The following DNAJC10 variants were observed in gnomAD, a reference collection of about 807,000 sequenced individuals.
DNAJC10 encodes the protein DnaJ heat shock protein family (Hsp40) member C10.
In DNAJC10, 101 loss-of-function variants were observed where a neutral mutation model predicts 115.0. The ratio of observed to expected loss-of-function variants is 0.88; its 90% confidence interval spans 0.75 to 1.04. The LOEUF (loss-of-function observed/expected upper bound fraction) is 1.04, where lower values mean the gene tolerates loss of function less well. Among genes scored for constraint, DNAJC10 ranks in the 50% least tolerant of loss-of-function variants. The pLI, the probability that DNAJC10 is intolerant of heterozygous loss-of-function variation, is 0.00. For synonymous variants in DNAJC10, 307 were observed against 301.5 expected, an observed-to-expected ratio of 1.02 and a Z score of -0.19; for missense variants, 981 against 928.8, an observed-to-expected ratio of 1.06 and a Z score of -0.73.
chr2:182,774,240 C>T (rs1357667574), intron 22 of DNAJC10, among the ~76,000 whole-genome samples: 1 of 152,148 alleles, frequency 6.6e-6, no homozygotes, highest in Admixed American at 6.5e-5. Context: ...GAAGGGCAGC[C>T]GCCTATATGA....
rs1187577790 is a variant in DNAJC10 at position 182,791,648 on chromosome 2, C to T, written c.*14516C>T. The T allele has an allele frequency of 6.6e-6, 1 of 152,128 alleles. No individual in the cohort carries two copies. The highest frequency in any genetic ancestry group is 2.4e-5 in the African/African-American group (1 of 41,448). The allele number at this position is 152,128 out of a possible 1,614,324, so 9.4% of individuals were successfully genotyped here. ...TGAAACCTGGCTCCAACAATGACTA[C>T]TTTATTCTACCTCTCATTTATTTTC... On this transcript the variant is annotated 3_prime_UTR_variant, in exon 24 of 24. Transcript: ENST00000264065.
At chr2:182,757,590 TAAATA>T in intron 18 of DNAJC10, 97 bp from the exon 19 acceptor site, 2 of 764,476 alleles carry the variant, frequency 2.6e-6, no homozygotes, top group Non-Finnish European at 3.7e-6. Context: ...AAGTCACTGA[TAAATA>T]ATATAATAAC....
intron 8 of DNAJC10, among the ~76,000 whole-genome samples, chr2:182,730,335 T>G (rs1264868372): frequency 6.6e-6 from 1 of 152,250 alleles, no homozygotes; most frequent in African/African-American, 2.4e-5. Context: ...ACTCATTAAC[T>G]GCCTTTAGGC....
chr2:182,775,021 A>G lies in DNAJC10; in HGVS notation c.2266-295A>G, dbSNP rs143546809. Among the ~76,000 whole-genome samples, 265 of 149,556 alleles carry G rather than the reference A, an allele frequency of 1.8e-3. 2 individuals carry two copies. Among genetic ancestry groups the G allele is most frequent in the African/African-American group, 6.2e-3 (252 of 40,578 alleles). ...GCCCTCTCAAACTTTATCCAGGAAC[A>G]TCTGTTCTTGCACAGTTTCGATGTT... is the stretch of plus-strand genomic sequence containing the variant. On this transcript the variant is annotated intron_variant, in intron 22 of 23. Transcript: ENST00000264065.
intron 17 of DNAJC10, among the ~76,000 whole-genome samples, chr2:182,755,762 C>A (rs1694141445): frequency 3.3e-5 from 5 of 152,162 alleles, no homozygotes; most frequent in Admixed American, 3.3e-4. Flanking sequence ...ATTAAAGAAT[C>A]ATTTCCAAAC....
At chr2:182,721,379 T>C (rs1345132911) in intron 4 of DNAJC10, among the ~76,000 whole-genome samples, 1 of 152,118 alleles carries the variant, frequency 6.6e-6, no homozygotes, top group Non-Finnish European at 1.5e-5. Flanking sequence ...CTTTAATTTG[T>C]TTACATAATA....
chr2:182,722,007 A>G lies in DNAJC10; in HGVS notation c.368-18A>G, dbSNP rs536073077. 37 of 1,371,650 alleles carry G rather than the reference A, an allele frequency of 2.7e-5. No individual in the cohort carries two copies. The highest frequency in any genetic ancestry group is 2.0e-4 in the Middle Eastern group (1 of 4,918). The allele number at this position is 1,371,650 out of a possible 1,614,324, so 85.0% of individuals were successfully genotyped here. ...GTGAAGTTTTGATTTTATAATTTTTATATACTTTTAAAATTAGGTATTTAT... is the reference window on the plus strand; with the variant it reads ...GTGAAGTTTTGATTTTATAATTTTTGTATACTTTTAAAATTAGGTATTTAT... On this transcript the variant is annotated intron_variant, in intron 4 of 23. Coordinates refer to ENST00000264065, the MANE Select transcript of DNAJC10 (RefSeq NM_018981.4).
At chr2:182,745,854 C>A (rs1251636033) in intron 14 of DNAJC10, among the ~76,000 whole-genome samples, 2 of 152,062 alleles carry the variant, frequency 1.3e-5, no homozygotes, top group Non-Finnish European at 2.9e-5. Context: ...CGTCATCGAG[C>A]ATTAGGTATA....
chr2:182,772,550 A>T (rs1351241908), intron 22 of DNAJC10, among the ~76,000 whole-genome samples: 1 of 152,066 alleles, frequency 6.6e-6, no homozygotes, highest in Non-Finnish European at 1.5e-5. Flanking sequence ...TGTGGAATTG[A>T]TCTCTTTACC....
At chr2:182,742,909 C>T (rs899874040) in intron 13 of DNAJC10, among the ~76,000 whole-genome samples, 4 of 151,206 alleles carry the variant, frequency 2.6e-5, no homozygotes, top group African/African-American at 9.7e-5. Context: ...TGCAGTGGTG[C>T]GATCTCGGCT....
chr2:182,733,830 T>TAGA (rs1553488412), intron 10 of DNAJC10, among the ~76,000 whole-genome samples: 1 of 150,600 alleles, frequency 6.6e-6, no homozygotes. Context: ...GATAGATAGA[T>TAGA]TTTCTACTTC....
At chr2:182,743,951 A>C (rs956496389) in intron 14 of DNAJC10, among the ~76,000 whole-genome samples, 5 of 152,188 alleles carry the variant, frequency 3.3e-5, no homozygotes, top group African/African-American at 1.2e-4. Flanking sequence ...GTGATAAGTC[A>C]AGCTAGTGAG....
intron 9 of DNAJC10, among the ~76,000 whole-genome samples, chr2:182,731,629 A>G (rs1693450259): frequency 6.6e-6 from 1 of 152,168 alleles, no homozygotes; most frequent in Non-Finnish European, 1.5e-5. Flanking sequence ...TGTTCAAGCA[A>G]TGTGGTTGGT....
intron 22 of DNAJC10, among the ~76,000 whole-genome samples, chr2:182,772,788 T>C (rs981364611): frequency 2.0e-5 from 3 of 152,224 alleles, no homozygotes; most frequent in Non-Finnish European, 4.4e-5. Context: ...CTTGACTCTT[T>C]ATCAAATTTG....
intron 22 of DNAJC10, among the ~76,000 whole-genome samples, chr2:182,773,878 G>A (rs971732015): frequency 1.6e-4 from 25 of 152,180 alleles, no homozygotes; most frequent in Admixed American, 1.3e-3. Context: ...CATTGCTGGC[G>A]AGGAGCTGCA....
In DNAJC10 at chr2:182,765,233, A is replaced by T. The variant is rs940303158; in HGVS notation, c.2265+2432A>T. ...CACTTATCATGTGCTATTATGGGGAAAAAAAGGGGGATTACTAGACAATAA... is the reference window on the plus strand; with the variant it reads ...CACTTATCATGTGCTATTATGGGGATAAAAAGGGGGATTACTAGACAATAA... On this transcript the variant is annotated intron_variant, in intron 22 of 23. Transcript: ENST00000264065. Among the ~76,000 whole-genome samples, 5 of 152,212 alleles carry T rather than the reference A, an allele frequency of 3.3e-5. No individual in the cohort carries two copies. The South Asian group carries it at 1.0e-3, about 32-fold the overall frequency.
rs1006501992 is a variant in DNAJC10, at chr2:182,784,617, T to C, written c.*7485T>C. 6.6e-6 allele frequency: 1 copy of C among 152,242 alleles called. No homozygotes were observed. The highest frequency in any genetic ancestry group is 2.4e-5 in the African/African-American group (1 of 41,470). 9.4% of individuals were successfully genotyped at this position (152,242 alleles called of 1,614,324 possible). On this transcript the variant is annotated 3_prime_UTR_variant, in exon 24 of 24. Coordinates refer to ENST00000264065, the MANE Select transcript of DNAJC10 (RefSeq NM_018981.4). ...ACTAGAAATTATAAATTCATTGTTT[T>C]ATGCCTTAAAAATTATAAATAATGA... is the stretch of plus-strand genomic sequence containing the variant.
At chr2:182,751,959 G>T (rs533808678) in intron 15 of DNAJC10, 113 bp from the exon 16 acceptor site, 123 of 1,193,252 alleles carry the variant, frequency 1.0e-4, no homozygotes, top group Middle Eastern at 6.0e-4. Context: ...CTCCAGGGAA[G>T]GTTTGCCGCT....
chr2:182,762,838 G>A (rs369556750), intron 22 of DNAJC10, 37 bp downstream of exon 22: 14 of 1,590,610 alleles, frequency 8.8e-6, no homozygotes, highest in African/African-American at 4.1e-5. Context: ...TCCCTTAGTA[G>A]GCCAAGCTCA....
Sources: allele counts gnomAD v4.1 joint callset (sites outside exome capture counted in the v4.1 genomes callset), GRCh38; gene constraint gnomAD v4.1.1; transcripts MANE v1.5; gene names NCBI Gene and HGNC (gene_info 2026-07-23, HGNC 2026-07-21).